CADPS: variants seen among roughly 807,000 people sequenced by gnomAD.
The protein encoded by CADPS is calcium-dependent secretion activator 1.
A neutral mutation model predicts 167.3 loss-of-function variants in CADPS; 57 were observed. The ratio of observed to expected loss-of-function variants is 0.34; its 90% CI spans 0.28 to 0.42. The LOEUF is 0.42. Ranked by LOEUF, CADPS falls within the 20% of genes least tolerant of loss-of-function variation. The pLI, the probability that CADPS is intolerant of heterozygous loss-of-function variation, is 1.00. For missense variants in CADPS, 1,414 were observed against 1,738.1 expected, an observed-to-expected ratio of 0.81 and a Z score of 3.32; for synonymous variants, 676 against 635.3, an observed-to-expected ratio of 1.06 and a Z score of -0.96.
intron 19 of CADPS, 36 bp from the exon 20 acceptor site, chr3:62,492,482 G>A: frequency 6.3e-7 from 1 of 1,597,944 alleles, no homozygotes; most frequent in Non-Finnish European, 8.6e-7. Flanking sequence ...AGACAAAGAA[G>A]TGATGAGCTT....
chr3:62,688,399 CT>C lies in CADPS; in HGVS notation c.889-26006del, dbSNP rs534119965. On this transcript the variant is annotated intron_variant, in intron 3 of 29. Transcript: ENST00000383710. Reference sequence around the variant, plus strand: ...GCAGTCTCTAATAGCATTGTTATAGCTAGTGAATTGTCTGGAAGTGGTCAAT... The same window carrying C: ...GCAGTCTCTAATAGCATTGTTATAGCAGTGAATTGTCTGGAAGTGGTCAAT... Among the ~76,000 whole-genome samples the C allele has an allele frequency of 3.8e-4, 58 of 152,158 alleles. 1 individual carries two copies. Among genetic ancestry groups the C allele is most frequent in the African/African-American group, 1.1e-3 (45 of 41,516 alleles).
rs1301437511 is a variant in CADPS at position 62,420,898 on chromosome 3, ACACAGG to A, written c.3777+17200_3777+17205del. Reference sequence around the variant, plus strand: ...CACACACACACACACACACACACACACACAGGCACACACACACACACTTGCCAGATC... The same window carrying A: ...CACACACACACACACACACACACACACACACACACACACACTTGCCAGATC... On this transcript the variant is annotated intron_variant, in intron 28 of 29. Transcript: ENST00000383710. The surrounding 1 kb of genome is among the most constrained non-coding windows in gnomAD (Gnocchi z 4.1). Among the ~76,000 whole-genome samples the A allele has an allele frequency of 2.4e-5, 3 of 126,262 alleles. No homozygotes were observed. Among genetic ancestry groups the A allele is most frequent in the East Asian group, 3.0e-4 (1 of 3,304 alleles). 82.8% of individuals were successfully genotyped at this position (126,262 alleles called of 152,430 possible).
intron 1 of CADPS, among the ~76,000 whole-genome samples, chr3:62,832,568 T>A (rs1357213099): frequency 6.6e-6 from 1 of 152,028 alleles, no homozygotes; most frequent in Non-Finnish European, 1.5e-5. Context: ...TGGAGCAGAG[T>A]TTTCACCTAG....
intron 28 of CADPS, among the ~76,000 whole-genome samples, chr3:62,425,772 G>A (rs1444366122): frequency 6.6e-6 from 1 of 152,144 alleles, no homozygotes; most frequent in Non-Finnish European, 1.5e-5. Flanking sequence ...GAGAAGCTCT[G>A]TTAAGGCTAA....
intron 17 of CADPS, among the ~76,000 whole-genome samples, chr3:62,506,400 C>T (rs966549670): frequency 1.3e-5 from 2 of 152,044 alleles, no homozygotes; most frequent in African/African-American, 4.8e-5. Context: ...AAAACAAAAA[C>T]AAAAACTATT....
At chr3:62,742,823 A>G (rs1448529753) in intron 3 of CADPS, among the ~76,000 whole-genome samples, 1 of 152,018 alleles carries the variant, frequency 6.6e-6, no homozygotes, top group African/African-American at 2.4e-5. Context: ...CAAACTATCA[A>G]CAGAGAAAAG....
intron 28 of CADPS, among the ~76,000 whole-genome samples, chr3:62,432,422 C>T (rs1560302248): frequency 6.6e-6 from 1 of 152,116 alleles, no homozygotes; most frequent in Non-Finnish European, 1.5e-5. Flanking sequence ...TTGCCTGTTT[C>T]AGGAAGATGT....
intron 1 of CADPS, among the ~76,000 whole-genome samples, chr3:62,860,976 T>C (rs2080688054): frequency 6.6e-6 from 1 of 152,214 alleles, no homozygotes; most frequent in Non-Finnish European, 1.5e-5. Context: ...TCCAAGATTC[T>C]ATTTTAGTGT....
chr3:62,615,454 G>A (rs1323598780), intron 6 of CADPS, among the ~76,000 whole-genome samples: 2 of 152,172 alleles, frequency 1.3e-5, no homozygotes, highest in East Asian at 3.8e-4. Context: ...CAGCGACTGT[G>A]TTAAGTGCTT....
At position 62,450,975 on chromosome 3, in the gene CADPS, A is replaced by T. The variant is rs144013679; in HGVS notation, c.3637-5178T>A. Among the ~76,000 whole-genome samples, 324 of 152,244 alleles carry T rather than the reference A, an allele frequency of 2.1e-3. 1 individual carries two copies. The highest frequency in any genetic ancestry group is 7.2e-3 in the African/African-American group (300 of 41,546). ...TCCCTAAGCTGCCTATCATCCTATT[A>T]TTTAGTTTCTTTTTTTAAAAAAACT... On this transcript the variant is annotated intron_variant, in intron 26 of 29. Transcript: ENST00000383710.
chr3:62,547,600 G>A (rs76445198), intron 11 of CADPS, among the ~76,000 whole-genome samples: 3 of 29,730 alleles, frequency 1.0e-4, no homozygotes, highest in South Asian at 1.1e-3. Flanking sequence ...CCCCCCCCCC[G>A]CAAATTCTAA....
chr3:62,825,399 C>T (rs1160340748), intron 1 of CADPS, among the ~76,000 whole-genome samples: 2 of 152,110 alleles, frequency 1.3e-5, no homozygotes, highest in Admixed American at 6.6e-5. Context: ...GGGAGCTTGT[C>T]AGAAAGGCAA....
chr3:62,594,160 T>TA (rs2086729899), intron 6 of CADPS, among the ~76,000 whole-genome samples: 1 of 111,706 alleles, frequency 9.0e-6, no homozygotes, highest in Non-Finnish European at 2.3e-5. Flanking sequence ...TTATTTTTTT[T>TA]ATTTATTTAT....
chr3:62,552,302 A>G (rs545262415), intron 10 of CADPS, among the ~76,000 whole-genome samples: 2 of 151,812 alleles, frequency 1.3e-5, no homozygotes, highest in Non-Finnish European at 2.9e-5. Flanking sequence ...TGGGTGCAGC[A>G]CACCAACATG....
chr3:62,857,042 C>T (rs998066052), intron 1 of CADPS, among the ~76,000 whole-genome samples: 8 of 151,590 alleles, frequency 5.3e-5, no homozygotes, highest in African/African-American at 9.7e-5. Flanking sequence ...AACAACATAA[C>T]AAACATAAAA....
At chr3:62,516,227 T>C (rs372300679) in intron 15 of CADPS, 45 bp from the exon 16 acceptor site, 3 of 1,609,054 alleles carry the variant, frequency 1.9e-6, no homozygotes, top group East Asian at 2.2e-5. Context: ...TTCAAGCAAA[T>C]GTGTCACTCA....
intron 8 of CADPS, among the ~76,000 whole-genome samples, chr3:62,577,680 G>A (rs1353721602): frequency 6.6e-6 from 1 of 152,208 alleles, no homozygotes; most frequent in Non-Finnish European, 1.5e-5. Flanking sequence ...TCTAAATACT[G>A]CACATGTATT....
At chr3:62,634,240 T>G (rs1016190201) in intron 6 of CADPS, among the ~76,000 whole-genome samples, 3 of 152,214 alleles carry the variant, frequency 2.0e-5, no homozygotes, top group Admixed American at 6.5e-5. Context: ...ATTATTTAAT[T>G]TTTTTGAAGA....
intron 28 of CADPS, among the ~76,000 whole-genome samples, chr3:62,418,748 CA>C (rs1420037294): frequency 6.6e-6 from 1 of 151,936 alleles, no homozygotes. Context: ...TCAAGGTGCC[CA>C]AATATCAAAA....
Sources: allele counts gnomAD v4.1 joint callset (sites outside exome capture counted in the v4.1 genomes callset), GRCh38; gene constraint gnomAD v4.1.1; non-coding constraint Gnocchi (gnomAD v3.1); transcripts MANE v1.5; gene names NCBI Gene and HGNC (gene_info 2026-07-23, HGNC 2026-07-21).